Variants in KAT14 observed in about 807,000 individuals in gnomAD.
KAT14 encodes the protein cysteine-rich protein 2-binding protein.
A neutral mutation model predicts 78.4 loss-of-function variants in KAT14; 66 were observed. That is an observed-to-expected ratio of 0.84 (90% CI 0.69 to 1.03). The LOEUF (loss-of-function observed/expected upper bound fraction) is 1.03. KAT14 is among the 50% of genes least tolerant of loss of function. KAT14 has a pLI of 0.00. For synonymous variants in KAT14, 344 were observed against 359.4 expected (o/e 0.96, Z 0.48); for missense variants, 870 against 972.5 (o/e 0.89, Z 1.40).
At chr20:18,184,564 G>A (rs753333015) in intron 9 of KAT14, 38 bp from the exon 10 acceptor site, 149 of 1,571,454 alleles carry the variant, frequency 9.5e-5, no homozygotes, top group Non-Finnish European at 1.2e-4. Flanking sequence ...ATTCTCAAAG[G>A]CATGTGGTTT....
Position 18,162,414 on chromosome 20 carries a change from A to G in KAT14, c.1137A>G (p.Pro379=), listed in dbSNP as rs140745812. The change falls in exon 7 of 11, where the codon CCA becomes CCG. Residue 379 remains proline (P), a synonymous_variant. Transcript: ENST00000688188. ...DEMEGDGVID[P]GMEYVPPPAG... is the part of the protein sequence containing the mutation. ...TGGAAGGCGATGGAGTCATAGACCC[A>G]GGGATGGAGTACGTCCCACCCCCTG... The G allele has an allele frequency of 2.3e-4, 372 of 1,614,006 alleles. 1 individual carries two copies. The African/African-American group carries it at 4.5e-3, about 19-fold the overall frequency.
chr20:18,145,458 C>A (rs1312729714), intron 3 of KAT14, 107 bp downstream of exon 3: 3 of 1,465,856 alleles, frequency 2.0e-6, no homozygotes, highest in Non-Finnish European at 2.8e-6. Flanking sequence ...TTTGGAGGGG[C>A]ACTTTTTATT....
chr20:18,169,289 C>T (rs1230078046), intron 7 of KAT14, among the ~76,000 whole-genome samples: 1 of 152,148 alleles, frequency 6.6e-6, no homozygotes, highest in Non-Finnish European at 1.5e-5. Context: ...CTGTATTGCA[C>T]TTCACAGATA....
In KAT14 at chr20:18,137,988, C is replaced by T; in HGVS notation, c.-517C>T. ...GGAGCTCGAAGGTGGTGCTGGGCCT[C>T]TCGGTGCTGCTGACGGCGGCCACAG... On this transcript the variant is annotated 5_prime_UTR_variant, in exon 1 of 11. Coordinates refer to ENST00000688188, the MANE Select transcript of KAT14 (RefSeq NM_001392073.1). 6.6e-7 allele frequency: 1 copy of T among 1,506,296 alleles called. No homozygotes were observed. Among genetic ancestry groups the T allele is most frequent in the Non-Finnish European group, 8.8e-7 (1 of 1,134,256 alleles). 93.3% of individuals were successfully genotyped at this position (1,506,296 alleles called of 1,614,324 possible).
chr20:18,157,204 G>T (rs1005540743), intron 4 of KAT14, among the ~76,000 whole-genome samples: 1 of 152,014 alleles, frequency 6.6e-6, no homozygotes, highest in Non-Finnish European at 1.5e-5. Context: ...TTGAGTCTTT[G>T]TCAGTCTTTT....
chr20:18,163,470 C>T (rs1169675602), intron 7 of KAT14, among the ~76,000 whole-genome samples: 9 of 152,236 alleles, frequency 5.9e-5, no homozygotes, highest in Non-Finnish European at 1.0e-4. Flanking sequence ...CCTGTATATA[C>T]TCTCCCACTG....
intron 7 of KAT14, among the ~76,000 whole-genome samples, chr20:18,177,511 G>A (rs1466074920): frequency 6.6e-6 from 1 of 152,158 alleles, no homozygotes; most frequent in Non-Finnish European, 1.5e-5. Flanking sequence ...GTTAGTGGCT[G>A]TATTTAGAAA....
intron 4 of KAT14, among the ~76,000 whole-genome samples, chr20:18,152,608 C>G (rs2038089892): frequency 1.3e-5 from 2 of 152,062 alleles, no homozygotes; most frequent in Admixed American, 1.3e-4. Context: ...AAAAAAGAAC[C>G]AAAACAGAGC....
At chr20:18,150,446 G>C (rs1265781944) in intron 3 of KAT14, among the ~76,000 whole-genome samples, 1 of 152,114 alleles carries the variant, frequency 6.6e-6, no homozygotes, top group Non-Finnish European at 1.5e-5. Flanking sequence ...CCTCCTGCTG[G>C]CCAGAAGGTA....
chr20:18,139,069 G>A (rs1407073494), intron 1 of KAT14, among the ~76,000 whole-genome samples: 1 of 152,184 alleles, frequency 6.6e-6, no homozygotes, highest in Non-Finnish European at 1.5e-5. Flanking sequence ...CTATGTGCTT[G>A]ATATACAGAG....
intron 1 of KAT14, among the ~76,000 whole-genome samples, chr20:18,140,824 A>AAAC (rs1327422061): frequency 6.7e-6 from 1 of 149,434 alleles, no homozygotes; most frequent in African/African-American, 2.5e-5. Context: ...TTCTCAAAAA[A>AAAC]AAAAAAAAAA....
chr20:18,174,468 T>A (rs1413275674), intron 7 of KAT14, among the ~76,000 whole-genome samples: 1 of 152,194 alleles, frequency 6.6e-6, no homozygotes, highest in Non-Finnish European at 1.5e-5. Flanking sequence ...CCACACATCC[T>A]TGCCATATTG....
At chr20:18,140,818 CAA>C (rs1157203058) in intron 1 of KAT14, among the ~76,000 whole-genome samples, 1 of 79,076 alleles carries the variant, frequency 1.3e-5, no homozygotes, top group African/African-American at 5.1e-5. Flanking sequence ...GACTCCTTCT[CAA>C]AAAAAAAAAA....
chr20:18,187,148 G>A (rs1260471567), intron 10 of KAT14, 138 bp from the exon 11 acceptor site: 3 of 1,094,876 alleles, frequency 2.7e-6, no homozygotes, highest in African/African-American at 1.6e-5. Flanking sequence ...GTTGCTAGGT[G>A]TTGCAATGTC....
At chr20:18,183,764 A>G (rs1485015093) in intron 9 of KAT14, among the ~76,000 whole-genome samples, 2 of 152,258 alleles carry the variant, frequency 1.3e-5, no homozygotes, top group East Asian at 3.8e-4. Context: ...GGTAAACCCA[A>G]TATAATTTGT....
intron 7 of KAT14, among the ~76,000 whole-genome samples, chr20:18,180,805 G>C (rs950247102): frequency 6.6e-6 from 1 of 151,854 alleles, no homozygotes; most frequent in African/African-American, 2.4e-5. Context: ...TACGAGAACA[G>C]TATGGTGGAA....
chr20:18,144,853 G>A (rs1338216928), intron 2 of KAT14, among the ~76,000 whole-genome samples: 1 of 152,178 alleles, frequency 6.6e-6, no homozygotes, highest in African/African-American at 2.4e-5. Flanking sequence ...ACCATTATCT[G>A]TCTTGGACTT....
At chr20:18,146,668 C>A (rs6136309) in intron 3 of KAT14, among the ~76,000 whole-genome samples, 62,363 of 151,024 alleles carry the variant, frequency 0.41, 12,952 homozygotes, top group Non-Finnish European at 0.43. Context: ...TCAAAAAAAA[C>A]CAAAAAAACA....
intron 2 of KAT14, among the ~76,000 whole-genome samples, chr20:18,143,512 G>C (rs2037672302): frequency 6.6e-6 from 1 of 151,258 alleles, no homozygotes; most frequent in South Asian, 2.1e-4. Flanking sequence ...TGTTGCCCAG[G>C]CTAGAGTGCA....
Sources: gnomAD v4.1 joint callset for allele counts (sites outside exome capture counted in the v4.1 genomes callset) on GRCh38, gnomAD v4.1.1 for gene constraint, MANE v1.5 for transcripts, NCBI Gene and HGNC (gene_info 2026-07-23, HGNC 2026-07-21) for gene names.